The following CEP250 variants were observed in gnomAD, a reference collection of about 807,000 sequenced individuals.
CEP250 encodes the protein centrosome-associated protein CEP250.
CEP250 carries 242 observed loss-of-function variants against 315.7 expected under a neutral mutation model. The observed-to-expected ratio is 0.77, with a 90% CI of 0.69 to 0.85. The LOEUF is 0.85. Ranked by LOEUF, CEP250 falls within the 40% of genes least tolerant of loss-of-function variation. The probability of loss-of-function intolerance (pLI) is 0.00; values close to 1 mark genes in which losing one functional copy is unlikely to be tolerated. For missense variants in CEP250, 2,515 were observed against 2,886.4 expected (o/e 0.87, Z 2.95); for synonymous variants, 1,088 against 1,175.0 (o/e 0.93, Z 1.51).
At position 35,491,347 on chromosome 20, in the gene CEP250, G is replaced by A. The variant is rs1277189303; in HGVS notation, c.2889+1G>A. 1.3e-6 allele frequency: 2 copies of A among 1,585,064 alleles called. No individual in the cohort carries two copies. Among genetic ancestry groups the A allele is most frequent in the African/African-American group, 1.4e-5 (1 of 74,052 alleles). On this transcript the variant is annotated splice_donor_variant, in intron 22 of 34. Transcript: ENST00000397527. LOFTEE classifies it high-confidence loss of function. ...GAAAGTCCAGAAATTAAAGGAGCAG[G>A]TATGGAGGGTGGTCTCGGGAGTAGG...
chr20:35,455,481 C>T (rs376608806), upstream of CEP250: 4 of 152,262 alleles, frequency 2.6e-5, no homozygotes, highest in African/African-American at 9.6e-5. Flanking sequence ...GCTTCCCGAC[C>T]CTCGTGTCCA....
Position 35,510,048 on chromosome 20 carries a change from G to A in CEP250, c.7059G>A (p.Gln2353=). The change falls in exon 34 of 35, where the codon CAG becomes CAA. Residue 2353 remains glutamine, a synonymous_variant. Transcript: ENST00000397527. ...NSDAKCVAEL[Q]KEVVLLQAQL... ...ATGCCAAGTGTGTGGCTGAACTGCAGAAAGAGGTATGTTCTGGATTTTCTA... is the reference window on the plus strand; with the variant it reads ...ATGCCAAGTGTGTGGCTGAACTGCAAAAAGAGGTATGTTCTGGATTTTCTA... 5 of 1,614,168 alleles carry A rather than the reference G, an allele frequency of 3.1e-6. No individual in the cohort carries two copies. The highest frequency in any genetic ancestry group is 4.2e-6 in the Non-Finnish European group (5 of 1,179,982).
At chr20:35,497,523 G>T (rs2063872946) in intron 25 of CEP250, among the ~76,000 whole-genome samples, 196 bp from the exon 26 acceptor site, 1 of 152,046 alleles carries the variant, frequency 6.6e-6, no homozygotes, top group Non-Finnish European at 1.5e-5. Context: ...CATGTGTTCA[G>T]TAGTCGGCAG....
intron 34 of CEP250, 115 bp downstream of exon 34, chr20:35,510,169 G>T: frequency 1.1e-6 from 1 of 920,080 alleles, no homozygotes; most frequent in South Asian, 1.4e-5. Context: ...CTCCATGGGA[G>T]GCAAAAATAG....
chr20:35,470,206 A>G, intron 10 of CEP250: 1 of 584,218 alleles, frequency 1.7e-6, no homozygotes, highest in South Asian at 2.2e-5. Context: ...TTCCTGGGGA[A>G]ATTGCAATGG....
In CEP250 at chr20:35,472,161, A is replaced by T. The variant is rs752145543; in HGVS notation, c.1050+10A>T. 6.5e-7 allele frequency: 1 copy of T among 1,540,276 alleles called. No individual in the cohort carries two copies. The highest frequency in any genetic ancestry group is 2.2e-5 in the East Asian group (1 of 44,546). ...CAAGGATATAACCCAGGTACTGGGAAGCCTCCTGTTCATGGTAACCAGGTT... is the reference window on the plus strand; with the variant it reads ...CAAGGATATAACCCAGGTACTGGGATGCCTCCTGTTCATGGTAACCAGGTT... On this transcript the variant is annotated intron_variant, in intron 11 of 34. Coordinates refer to ENST00000397527, the MANE Select transcript of CEP250 (RefSeq NM_007186.6).
intron 20 of CEP250, among the ~76,000 whole-genome samples, chr20:35,488,520 C>T (rs1017725070): frequency 6.6e-6 from 1 of 151,916 alleles, no homozygotes; most frequent in South Asian, 2.1e-4. Flanking sequence ...GTGGCGTGAT[C>T]AGGGCTTAAC....
In CEP250 at chr20:35,511,979, C is replaced by G; in HGVS notation, c.*353C>G. On this transcript the variant is annotated 3_prime_UTR_variant, in exon 35 of 35. Transcript: ENST00000397527. The stretch of plus-strand genomic sequence containing the variant: ...ACCCTGGGATCTTTGCATTCATTTT[C>G]TGCTGCTGTCTCCACTTGTGCAGCT... The G allele has an allele frequency of 9.3e-7, 1 of 1,070,622 alleles. No individual in the cohort carries two copies. The highest frequency in any genetic ancestry group is 1.1e-6 in the Non-Finnish European group (1 of 884,342). The allele number at this position is 1,070,622 out of a possible 1,614,324, so 66.3% of individuals were successfully genotyped here.
Position 35,518,633 on chromosome 20 carries a change from T to C in CEP250, c.*7007T>C, listed in dbSNP as rs1408547476. ...TTATATATTCACTATGATTCAATCA[T>C]GACAGTTGCTATTTTTGATGCTCAA... On this transcript the variant is annotated 3_prime_UTR_variant, in exon 35 of 35. Transcript: ENST00000397527. 6.6e-6 allele frequency: 1 copy of C among 152,228 alleles called. No homozygotes were observed. Among genetic ancestry groups the C allele is most frequent in the Non-Finnish European group, 1.5e-5 (1 of 68,044 alleles). 9.4% of individuals were successfully genotyped at this position (152,228 alleles called of 1,614,324 possible).
At chr20:35,507,889 G>A (rs1169850547) in intron 31 of CEP250, 38 bp downstream of exon 31, 1 of 1,602,100 alleles carries the variant, frequency 6.2e-7, no homozygotes, top group Admixed American at 1.7e-5. Context: ...TGACCCAGCA[G>A]GGAGCTCCTG....
chr20:35,506,660 T>C (rs997304989), intron 30 of CEP250, among the ~76,000 whole-genome samples: 4 of 152,096 alleles, frequency 2.6e-5, no homozygotes, highest in Non-Finnish European at 5.9e-5. Flanking sequence ...AAGGGCAATA[T>C]GAGGAGAAGG....
chr20:35,473,963 G>A lies in CEP250; in HGVS notation c.1482G>A (p.Val494=), dbSNP rs1420909191. Residue 494 remains valine (V), a synonymous_variant, in exon 14 of 35, where the codon GTG becomes GTA. Coordinates refer to ENST00000397527, the MANE Select transcript of CEP250 (RefSeq NM_007186.6). The part of the protein sequence containing the change: ...QEAWRLRRVN[V]ELQLQGDSAQ... Reference sequence around the variant, plus strand: ...CATGGCGCCTGCGAAGGGTAAATGTGGAGCTTCAGCTGCAGGGGGACTCTG... The same window carrying A: ...CATGGCGCCTGCGAAGGGTAAATGTAGAGCTTCAGCTGCAGGGGGACTCTG... 3 of 1,610,200 alleles carry A rather than the reference G, an allele frequency of 1.9e-6. No homozygotes were observed. In the African/African-American group the frequency reaches 4.0e-5, roughly 22 times the overall value.
intron 20 of CEP250, among the ~76,000 whole-genome samples, chr20:35,481,903 T>C (rs2063355285): frequency 6.6e-6 from 1 of 152,158 alleles, no homozygotes; most frequent in Admixed American, 6.5e-5. Flanking sequence ...TTTCACCATG[T>C]TGCCCAGGCT....
chr20:35,476,669 T>C, intron 16 of CEP250, 74 bp downstream of exon 16: 4 of 1,325,352 alleles, frequency 3.0e-6, no homozygotes, highest in Non-Finnish European at 4.3e-6. Context: ...AGCTCCCAAA[T>C]GTAGGTCTGA....
intron 28 of CEP250, among the ~76,000 whole-genome samples, chr20:35,501,485 A>T (rs2064000279): frequency 6.6e-6 from 1 of 152,054 alleles, no homozygotes; most frequent in African/African-American, 2.4e-5. Context: ...GGTCTCTAGG[A>T]GCTCCTGCAC....
chr20:35,509,392 C>T (rs2064291164), intron 33 of CEP250, among the ~76,000 whole-genome samples: 1 of 152,180 alleles, frequency 6.6e-6, no homozygotes, highest in Non-Finnish European at 1.5e-5. Flanking sequence ...TCCTGAGGAG[C>T]CTAGGAGCTT....
intron 34 of CEP250, 50 bp downstream of exon 34, chr20:35,510,104 C>CT (rs1370733726): frequency 2.0e-6 from 3 of 1,527,354 alleles, no homozygotes; most frequent in South Asian, 2.2e-5. Context: ...CACTCAGGCC[C>CT]TTTGTGCACC....
intron 14 of CEP250, 90 bp downstream of exon 14, chr20:35,474,142 G>A: frequency 9.1e-7 from 1 of 1,098,918 alleles, no homozygotes; most frequent in East Asian, 2.9e-5. Flanking sequence ...ACAAAGTAGA[G>A]TATGTAGAAG....
At chr20:35,509,160 C>T (rs1243182191) in intron 33 of CEP250, 116 bp downstream of exon 33, 1 of 781,584 alleles carries the variant, frequency 1.3e-6, no homozygotes, top group African/African-American at 1.7e-5. Flanking sequence ...CAGAGAGCCC[C>T]TCCTGACTGC....
Sources: gnomAD v4.1 joint callset for allele counts (sites outside exome capture counted in the v4.1 genomes callset) on GRCh38, gnomAD v4.1.1 for gene constraint, MANE v1.5 for transcripts, NCBI Gene and HGNC (gene_info 2026-07-23, HGNC 2026-07-21) for gene names.